The following PCM1 variants were observed in gnomAD, a reference collection of about 807,000 sequenced individuals.
PCM1 encodes the protein pericentriolar material 1, also known as pericentriolar material 1 protein.
PCM1 carries 157 observed loss-of-function variants against 241.9 expected under a neutral mutation model. The ratio of observed to expected loss-of-function variants is 0.65; its 90% CI spans 0.57 to 0.74. The LOEUF (loss-of-function observed/expected upper bound fraction) is 0.74, where lower values mean the gene tolerates loss of function less well. PCM1 is among the 30% of genes least tolerant of loss of function. The pLI is 0.00. For missense variants in PCM1, 3,478 were observed against 2,360.1 expected, an observed-to-expected ratio of 1.47 and a Z score of -9.81; for synonymous variants, 1,085 against 784.9, an observed-to-expected ratio of 1.38 and a Z score of -6.39.
intron 11 of PCM1, 147 bp downstream of exon 11, chr8:17,956,924 C>A: frequency 1.5e-6 from 1 of 674,932 alleles, no homozygotes; most frequent in Non-Finnish European, 2.5e-6. Context: ...TCATCTCTGC[C>A]CTGTGAAGAA....
intron 30 of PCM1, among the ~76,000 whole-genome samples, chr8:18,007,951 A>G (rs1053557953): frequency 2.0e-5 from 3 of 152,206 alleles, no homozygotes; most frequent in Non-Finnish European, 2.9e-5. Flanking sequence ...AAAAATGTAT[A>G]CAGTATACTT....
At chr8:17,997,055 G>C (rs1310180960) in intron 29 of PCM1, among the ~76,000 whole-genome samples, 1 of 152,008 alleles carries the variant, frequency 6.6e-6, no homozygotes, top group Non-Finnish European at 1.5e-5. Flanking sequence ...TGGAAATAAA[G>C]TATTTAGTAT....
intron 3 of PCM1, 129 bp from the exon 4 acceptor site, chr8:17,937,005 G>C: frequency 1.6e-6 from 1 of 642,402 alleles, no homozygotes; most frequent in East Asian, 2.9e-5. Flanking sequence ...TTTGTCTCTA[G>C]GAGTATAAGT....
chr8:17,957,381 T>A lies in PCM1; in HGVS notation c.1764T>A (p.Ser588=). 1.1e-5 allele frequency: 17 copies of A among 1,612,792 alleles called. No homozygotes were observed. Among genetic ancestry groups the A allele is most frequent in the Non-Finnish European group, 1.4e-5 (17 of 1,179,056 alleles). ...VNSNCEINNR[S]AANIRALNMP... is the part of the protein sequence containing the mutation. ...CTAATTGTGAAATTAACAACAGATCTGCTGCCAACATAAGGGCTCTAAACA... is the reference window on the plus strand; with the variant it reads ...CTAATTGTGAAATTAACAACAGATCAGCTGCCAACATAAGGGCTCTAAACA... The change falls in exon 12 of 39, where the codon TCT becomes TCA. Residue 588 remains serine (S), a synonymous_variant. Coordinates refer to ENST00000325083, the MANE Select transcript of PCM1 (RefSeq NM_006197.4).
chr8:17,972,635 A>G lies in PCM1; in HGVS notation c.3891A>G (p.Ser1297=). Residue 1297 remains serine (S), a synonymous_variant, in exon 23 of 39, where the codon TCA becomes TCG. Transcript: ENST00000325083. ...SLASKDKTPK[S]KSKKRNSTQL... ...CATCTAAAGATAAAACTCCCAAGTC[A>G]AAAAGTAAGAAGAGGAATTCTACTC... The G allele has an allele frequency of 6.3e-7, 1 of 1,582,612 alleles. No homozygotes were observed. The highest frequency in any genetic ancestry group is 8.6e-7 in the Non-Finnish European group (1 of 1,168,804).
At chr8:18,000,897 C>T (rs1165685998) in intron 29 of PCM1, among the ~76,000 whole-genome samples, 2 of 152,224 alleles carry the variant, frequency 1.3e-5, no homozygotes, top group African/African-American at 2.4e-5. Context: ...GCTCGAGCCA[C>T]TGTGCCAGCC....
At chr8:18,010,920 C>T (rs1273421391) in intron 32 of PCM1, among the ~76,000 whole-genome samples, 2 of 152,132 alleles carry the variant, frequency 1.3e-5, no homozygotes, top group Non-Finnish European at 2.9e-5. Flanking sequence ...TGGTATTGAG[C>T]CGAGATCATG....
intron 6 of PCM1, among the ~76,000 whole-genome samples, chr8:17,943,349 G>A (rs531883950): frequency 3.3e-5 from 5 of 152,062 alleles, no homozygotes; most frequent in African/African-American, 1.2e-4. Context: ...ATGTGCCCCA[G>A]TTCACCAGTA....
At chr8:17,950,909 C>T (rs1336170470) in intron 8 of PCM1, among the ~76,000 whole-genome samples, 185 bp downstream of exon 8, 1 of 152,228 alleles carries the variant, frequency 6.6e-6, no homozygotes, top group Non-Finnish European at 1.5e-5. Flanking sequence ...TTCTCCACGT[C>T]TCAGTCCAAT....
In PCM1 at chr8:18,016,311, A is replaced by G. The variant is rs2093186995; in HGVS notation, c.5841+1471A>G. ...AAGATAGGGTATTATGGGTTCATTA[A>G]CACCTAAAGACTCTGGGACCCCTCT... On this transcript the variant is annotated intron_variant, in intron 36 of 38. Coordinates refer to ENST00000325083, the MANE Select transcript of PCM1 (RefSeq NM_006197.4). 2.0e-5 allele frequency among the ~76,000 whole-genome samples: 3 copies of G among 152,198 alleles called. No homozygotes were observed. The South Asian group carries it at 6.2e-4, about 31-fold the overall frequency.
intron 9 of PCM1, among the ~76,000 whole-genome samples, chr8:17,953,794 C>G (rs2066972941): frequency 6.6e-6 from 1 of 152,030 alleles, no homozygotes; most frequent in South Asian, 2.1e-4. Context: ...AGTTCCTATC[C>G]TAATACCTTT....
Position 17,956,656 on chromosome 8 carries a change from T to G in PCM1, c.1525T>G (p.Tyr509Asp), listed in dbSNP as rs754052385. ...GAATGAGCTAAGAGAATTAGTTCAT[T>G]ATTATGAACAAACGTCAGACATGAT... is the stretch of plus-strand genomic sequence containing the variant. Reference protein sequence around the residue: ...RLNELRELVHYYEQTSDMMTD... With the variant: ...RLNELRELVHDYEQTSDMMTD... Residue 509 changes from tyrosine (Y) to aspartate (D), a missense_variant, in exon 11 of 39, where the codon TAT becomes GAT. By Grantham distance (160) the Tyr-to-Asp change is radical. Coordinates refer to ENST00000325083, the MANE Select transcript of PCM1 (RefSeq NM_006197.4). The G allele has an allele frequency of 6.2e-7, 1 of 1,600,114 alleles. No homozygotes were observed.
chr8:17,968,339 A>G (rs1231680437), intron 21 of PCM1, among the ~76,000 whole-genome samples: 1 of 152,172 alleles, frequency 6.6e-6, no homozygotes, highest in Non-Finnish European at 1.5e-5. Flanking sequence ...AAGGGATAAC[A>G]TGAAATTTAT....
Position 17,956,731 on chromosome 8 carries a change from G to T in PCM1, c.1600G>T (p.Glu534Ter). 1 of 1,608,924 alleles carries T rather than the reference G, an allele frequency of 6.2e-7. No homozygotes were observed. Among genetic ancestry groups the T allele is most frequent in the Non-Finnish European group, 8.5e-7 (1 of 1,177,156 alleles). The change falls in exon 11 of 39, where the codon GAA becomes TAA. Residue 534 changes from glutamate to a stop codon, truncating the protein, a stop_gained. Transcript: ENST00000325083. LOFTEE classifies it high-confidence loss of function. ...GAAAGATGAAGAAACTGAAGAGTCA[G>T]AATATGATTCTGAGCATGAAAATTC... The part of the protein sequence containing the change: ...NRKDEETEES[E>*]YDSEHENSEP...
At chr8:17,968,401 G>A (rs2075694500) in intron 21 of PCM1, among the ~76,000 whole-genome samples, 1 of 152,188 alleles carries the variant, frequency 6.6e-6, no homozygotes, top group Non-Finnish European at 1.5e-5. Context: ...TGGAGGAAAG[G>A]AGTGAAGATT....
chr8:17,989,496 A>C (rs1469398507), intron 26 of PCM1, among the ~76,000 whole-genome samples: 1 of 152,076 alleles, frequency 6.6e-6, no homozygotes, highest in Non-Finnish European at 1.5e-5. Flanking sequence ...TGAGACAACC[A>C]GGTAGAGTAA....
intron 26 of PCM1, among the ~76,000 whole-genome samples, chr8:17,987,079 A>G (rs1187485959): frequency 6.6e-6 from 1 of 151,790 alleles, no homozygotes; most frequent in East Asian, 1.9e-4. Flanking sequence ...ATGTTTTCCC[A>G]CTGGACTCTG....
intron 1 of PCM1, among the ~76,000 whole-genome samples, chr8:17,923,710 T>G (rs1229708536): frequency 2.6e-5 from 4 of 152,016 alleles, no homozygotes; most frequent in African/African-American, 9.7e-5. Context: ...GGCTGTGAGC[T>G]GCAGGATTTC....
In PCM1 at chr8:18,014,759, A is replaced by C. The variant is rs762799951; in HGVS notation, c.5760A>C (p.Glu1920Asp). 5.6e-6 allele frequency: 9 copies of C among 1,612,264 alleles called. No individual in the cohort carries two copies. In the African/African-American group the frequency reaches 1.1e-4, roughly 19 times the overall value. The part of the protein sequence containing the change: ...EMEPLVPRVK[E>D]VKSAQETPES... ...AACCCTTAGTGCCTAGAGTCAAAGA[A>C]GTTAAATCTGCTCAGGAAACTCCTG... Residue 1920 changes from glutamate (E) to aspartate (D), a missense_variant, in exon 36 of 39, where the codon GAA (glutamate) becomes GAC (aspartate). By Grantham distance (45) the Glu-to-Asp change is conservative. Transcript: ENST00000325083.
Sources: gnomAD v4.1 joint callset for allele counts (sites outside exome capture counted in the v4.1 genomes callset) on GRCh38, gnomAD v4.1.1 for gene constraint, MANE v1.5 for transcripts, NCBI Gene and HGNC (gene_info 2026-07-23, HGNC 2026-07-21) for gene names.